The following RIMS1 variants were observed in gnomAD, a reference collection of about 807,000 sequenced individuals.
RIMS1 encodes the protein regulating synaptic membrane exocytosis protein 1.
In RIMS1, 83 loss-of-function variants were observed where a neutral mutation model predicts 214.1. The observed-to-expected ratio is 0.39, with a 90% CI of 0.32 to 0.47. The LOEUF (loss-of-function observed/expected upper bound fraction) is 0.47. RIMS1 is among the 20% of genes least tolerant of loss of function. The probability of loss-of-function intolerance (pLI) is 0.99; values close to 1 mark genes in which losing one functional copy is unlikely to be tolerated. For synonymous variants in RIMS1, 793 were observed against 786.8 expected, an observed-to-expected ratio of 1.01 and a Z score of -0.13; for missense variants, 2,050 against 2,161.8, an observed-to-expected ratio of 0.95 and a Z score of 1.03.
intron 4 of RIMS1, among the ~76,000 whole-genome samples, chr6:72,130,073 C>T (rs184110367): frequency 1.1e-4 from 17 of 152,006 alleles, no homozygotes; most frequent in Admixed American, 3.9e-4. Context: ...AAATCTCAAC[C>T]GATTTTGTTT....
intron 2 of RIMS1, among the ~76,000 whole-genome samples, chr6:72,089,137 A>G (rs1185239869): frequency 6.6e-6 from 1 of 152,186 alleles, no homozygotes; most frequent in African/African-American, 2.4e-5. Context: ...AAATCATTTT[A>G]GGAAGTCTTA....
At chr6:72,126,761 T>TA (rs71540329) in intron 4 of RIMS1, 11,887 of 124,376 alleles carry the variant, frequency 0.096, 542 homozygotes, top group Non-Finnish European at 0.11. Flanking sequence ...ATTAAAAAGT[T>TA]AAAAAAAAAA....
At chr6:71,934,769 C>T (rs1473551737) in intron 1 of RIMS1, among the ~76,000 whole-genome samples, 1 of 152,158 alleles carries the variant, frequency 6.6e-6, no homozygotes, top group East Asian at 1.9e-4. Flanking sequence ...CACCAAATTC[C>T]TGCTGTTTAA....
At chr6:72,139,951 A>G (rs2041882052) in intron 4 of RIMS1, among the ~76,000 whole-genome samples, 1 of 152,188 alleles carries the variant, frequency 6.6e-6, no homozygotes, top group African/African-American at 2.4e-5. Context: ...AAGATATTAC[A>G]TGAACAGTAT....
At chr6:71,890,377 A>C (rs1769262810) in intron 1 of RIMS1, among the ~76,000 whole-genome samples, 1 of 56,590 alleles carries the variant, frequency 1.8e-5, no homozygotes. Context: ...GTCTTTTCTT[A>C]ATCTTAATAG....
chr6:72,333,007 G>A (rs1045036802), intron 28 of RIMS1, among the ~76,000 whole-genome samples: 1 of 151,814 alleles, frequency 6.6e-6, no homozygotes, highest in African/African-American at 2.4e-5. Context: ...GAGCATGAGG[G>A]GACAAGGAAG....
chr6:72,307,347 C>A lies in RIMS1; in HGVS notation c.3940C>A (p.Leu1314Ile). The stretch of plus-strand genomic sequence containing the variant: ...AACAGGGTCTGGTTCTAGTCAAGAA[C>A]TTGATCGCGAGCAATATTCCAAGGT... ...QTTGSGSSQE[L>I]DREQYSKYNI... The change falls in exon 27 of 34, where the codon CTT (leucine) becomes ATT (isoleucine). Residue 1314 changes from leucine (L) to isoleucine (I), a missense_variant. Leu to Ile is a conservative substitution (Grantham distance 5, BLOSUM62 2). Around this residue, in one of 6 missense-constraint regions of RIMS1, gnomAD observed 889 missense variants for 885.5 expected, o/e 1.00. Transcript: ENST00000521978. The A allele has an allele frequency of 6.2e-7, 1 of 1,600,544 alleles. No homozygotes were observed. The highest frequency in any genetic ancestry group is 1.1e-5 in the South Asian group (1 of 87,686).
At chr6:72,108,248 A>T (rs1296572468) in intron 4 of RIMS1, among the ~76,000 whole-genome samples, 1 of 129,990 alleles carries the variant, frequency 7.7e-6, no homozygotes, top group Non-Finnish European at 1.7e-5. Flanking sequence ...CCATGCTTGG[A>T]TAATTTTGTG....
intron 4 of RIMS1, among the ~76,000 whole-genome samples, chr6:72,135,355 T>C (rs2041116436): frequency 6.6e-6 from 1 of 152,192 alleles, no homozygotes; most frequent in Non-Finnish European, 1.5e-5. Context: ...TCATGCATAA[T>C]GTCACCTCAC....
At chr6:72,055,102 AAGGTGTAATGTCCCTCT>A (rs1351781571) in intron 2 of RIMS1, among the ~76,000 whole-genome samples, 2 of 152,122 alleles carry the variant, frequency 1.3e-5, no homozygotes, top group Non-Finnish European at 2.9e-5. Flanking sequence ...ATTTTTGTAT[AAGGTGTAATGTCCCTCT>A]ATTATTTTCA....
chr6:71,938,167 G>A (rs1785002663), intron 1 of RIMS1, among the ~76,000 whole-genome samples: 1 of 152,202 alleles, frequency 6.6e-6, no homozygotes, highest in East Asian at 1.9e-4. Flanking sequence ...CTTAAAGCTG[G>A]AGAATAATCT....
intron 6 of RIMS1, among the ~76,000 whole-genome samples, chr6:72,213,988 T>G (rs923431462): frequency 2.0e-5 from 3 of 152,152 alleles, no homozygotes; most frequent in African/African-American, 7.2e-5. Flanking sequence ...TGAGTAAATA[T>G]TGTTAACATA....
Position 72,159,249 on chromosome 6 carries a change from G to A in RIMS1, c.472-20326G>A, listed in dbSNP as rs184650857. 8.6e-3 allele frequency among the ~76,000 whole-genome samples: 1,215 copies of A among 140,802 alleles called. 102 individuals carry two copies. The highest frequency in any genetic ancestry group is 0.027 in the African/African-American group (1,084 of 40,696). The allele number at this position is 140,802 out of a possible 152,430, so 92.4% of individuals were successfully genotyped here. ...CACCCACTTGTTGATGGGGTTGTTT[G>A]TTTTTTTCTTGTAAATTTGAGTTCA... On this transcript the variant is annotated intron_variant, in intron 4 of 33. Transcript: ENST00000521978.
intron 1 of RIMS1, among the ~76,000 whole-genome samples, chr6:71,893,795 G>C (rs1292943403): frequency 1.3e-5 from 2 of 152,128 alleles, no homozygotes; most frequent in African/African-American, 4.8e-5. Context: ...TGCTTCTGTT[G>C]CAATATTGTG....
chr6:72,167,760 A>G (rs1441686945), intron 4 of RIMS1, among the ~76,000 whole-genome samples: 1 of 152,014 alleles, frequency 6.6e-6, no homozygotes, highest in Non-Finnish European at 1.5e-5. Flanking sequence ...ATTTTTAATA[A>G]TTCTAGGCTC....
At chr6:72,245,964 T>A (rs1563011430) in intron 11 of RIMS1, 103 bp downstream of exon 11, 2 of 793,206 alleles carry the variant, frequency 2.5e-6, no homozygotes, top group African/African-American at 3.5e-5. Flanking sequence ...GGGGTTACTA[T>A]ACTAAAGATG....
At chr6:72,008,668 G>A (rs917009344) in intron 2 of RIMS1, among the ~76,000 whole-genome samples, 2 of 152,164 alleles carry the variant, frequency 1.3e-5, no homozygotes, top group Non-Finnish European at 2.9e-5. Context: ...GGCAGGGGTT[G>A]CAATCCTAGC....
chr6:71,937,678 G>A (rs1441213275), intron 1 of RIMS1, among the ~76,000 whole-genome samples: 1 of 152,084 alleles, frequency 6.6e-6, no homozygotes, highest in African/African-American at 2.4e-5. Flanking sequence ...GGAAAATGGG[G>A]GCTGAACTCC....
chr6:71,886,812 CG>C lies in RIMS1; in HGVS notation c.-208del. 1.7e-6 allele frequency: 1 copy of C among 592,178 alleles called. No homozygotes were observed. The highest frequency in any genetic ancestry group is 1.9e-5 in the African/African-American group (1 of 52,762). The allele number at this position is 592,178 out of a possible 1,614,324, so 36.7% of individuals were successfully genotyped here. A position where few individuals can be genotyped will look rare whatever the true frequency, so the allele number is the denominator to read the frequency against. On this transcript the variant is annotated 5_prime_UTR_variant, in exon 1 of 34. Coordinates refer to ENST00000521978, the MANE Select transcript of RIMS1 (RefSeq NM_014989.7). The stretch of plus-strand genomic sequence containing the variant: ...GGGCGACCAAAACAAAGGCAGCATC[CG>C]GGGCTGGGTGGATGCAAACAACCAT...
Sources: allele counts gnomAD v4.1 joint callset (sites outside exome capture counted in the v4.1 genomes callset), GRCh38; gene constraint gnomAD v4.1.1; regional missense constraint gnomAD v4.1.1; transcripts MANE v1.5; gene names NCBI Gene and HGNC (gene_info 2026-07-23, HGNC 2026-07-21).